Variants in CCDC141 observed in about 807,000 individuals in gnomAD.
CCDC141 encodes the protein coiled-coil domain-containing protein 141.
CCDC141 carries 168 observed loss-of-function variants against 181.0 expected under a neutral mutation model. That is an observed-to-expected ratio of 0.93 (90% CI 0.82 to 1.05). CCDC141 has a LOEUF of 1.05. Ranked by LOEUF, CCDC141 falls within the 50% of genes least tolerant of loss-of-function variation. CCDC141 has a pLI of 0.00. For synonymous variants in CCDC141, 666 were observed against 642.3 expected, an observed-to-expected ratio of 1.04 and a Z score of -0.56; for missense variants, 1,902 against 1,788.5, an observed-to-expected ratio of 1.06 and a Z score of -1.14.
chr2:178,940,877 T>C (rs1689482420), intron 6 of CCDC141, among the ~76,000 whole-genome samples: 1 of 152,196 alleles, frequency 6.6e-6, no homozygotes, highest in African/African-American at 2.4e-5. Flanking sequence ...TCATCTTGCT[T>C]TCAATATAAC....
intron 21 of CCDC141, among the ~76,000 whole-genome samples, chr2:178,848,544 GA>G (rs1468694170): frequency 6.6e-6 from 1 of 152,190 alleles, no homozygotes; most frequent in Non-Finnish European, 1.5e-5. Context: ...GGAGAATGAG[GA>G]AGTGGGAGAG....
At chr2:179,032,790 C>G (rs1433173977) in intron 2 of CCDC141, among the ~76,000 whole-genome samples, 1 of 147,168 alleles carries the variant, frequency 6.8e-6, no homozygotes, top group Admixed American at 7.2e-5. Flanking sequence ...TAATTTCGCT[C>G]AAGGACCTAA....
intron 2 of CCDC141, among the ~76,000 whole-genome samples, chr2:179,036,112 G>A (rs912069754): frequency 6.6e-6 from 1 of 152,200 alleles, no homozygotes; most frequent in African/African-American, 2.4e-5. Context: ...ATCAGCCTCT[G>A]CTAAGAAGTC....
chr2:178,996,898 G>T (rs1243164887), intron 2 of CCDC141, among the ~76,000 whole-genome samples: 5 of 152,214 alleles, frequency 3.3e-5, no homozygotes, highest in Admixed American at 2.6e-4. Context: ...TGGAATTTTA[G>T]ATCGCTCTTA....
In CCDC141 at chr2:178,865,764, C is replaced by A; in HGVS notation, c.2724+3G>T. 1.3e-6 allele frequency: 2 copies of A among 1,506,742 alleles called. No homozygotes were observed. The highest frequency in any genetic ancestry group is 2.2e-5 in the Admixed American group (1 of 45,340). 93.3% of individuals were successfully genotyped at this position (1,506,742 alleles called of 1,614,324 possible). ...TGCCAGTTCTCACCCCTCCCACACC[C>A]ACCTCATTTATCTCGTCTCTCATGG... On this transcript the variant is annotated splice_donor_region_variant and intron_variant, in intron 17 of 23. Coordinates refer to ENST00000443758, the MANE Select transcript of CCDC141 (RefSeq NM_173648.4).
chr2:178,905,251 T>C lies in CCDC141; in HGVS notation c.1265+78A>G, dbSNP rs560802394. 5.6e-5 allele frequency: 71 copies of C among 1,270,530 alleles called. 1 individual carries two copies. In the African/African-American group the frequency reaches 8.1e-4, roughly 15 times the overall value. The allele number at this position is 1,270,530 out of a possible 1,614,324, so 78.7% of individuals were successfully genotyped here. A position where few individuals can be genotyped will look rare whatever the true frequency, so the allele number is the denominator to read the frequency against. On this transcript the variant is annotated intron_variant, in intron 8 of 23. Coordinates refer to ENST00000443758, the MANE Select transcript of CCDC141 (RefSeq NM_173648.4). Reference sequence around the variant, plus strand: ...AAACATCAGAACCAGAAAAAGACAATCATGCATCTTATTTTTAGCACGTTG... The same window carrying C: ...AAACATCAGAACCAGAAAAAGACAACCATGCATCTTATTTTTAGCACGTTG...
intron 8 of CCDC141, among the ~76,000 whole-genome samples, chr2:178,903,155 C>T (rs60930189): frequency 3.7e-5 from 5 of 133,856 alleles, no homozygotes; most frequent in South Asian, 2.8e-4. Context: ...TTACACTGTT[C>T]GTGGGACTGT....
chr2:179,032,389 G>C (rs1440706094), intron 2 of CCDC141, among the ~76,000 whole-genome samples: 1 of 152,136 alleles, frequency 6.6e-6, no homozygotes, highest in Non-Finnish European at 1.5e-5. Context: ...GACTGAGGCA[G>C]AGACAATAGA....
chr2:179,013,649 A>G (rs2042336970), intron 2 of CCDC141, among the ~76,000 whole-genome samples: 1 of 152,168 alleles, frequency 6.6e-6, no homozygotes, highest in Non-Finnish European at 1.5e-5. Flanking sequence ...AGGAGCCCAC[A>G]TAGCCAAAGC....
downstream of CCDC141, among the ~76,000 whole-genome samples, chr2:178,827,552 T>G (rs1156548462): frequency 2.6e-5 from 4 of 152,186 alleles, no homozygotes; most frequent in Admixed American, 6.5e-5. Flanking sequence ...CTAGAACTCT[T>G]TGCACCATAG....
At chr2:178,945,743 A>G (rs1421902788) in intron 5 of CCDC141, among the ~76,000 whole-genome samples, 1 of 152,182 alleles carries the variant, frequency 6.6e-6, no homozygotes, top group African/African-American at 2.4e-5. Context: ...AAGCAGTCTC[A>G]GGATTTCTCT....
chr2:178,820,892 GGT>G, the CCDC141 span, among the ~76,000 whole-genome samples: 27 of 152,046 alleles, frequency 1.8e-4, no homozygotes, highest in Admixed American at 3.3e-4. Flanking sequence ...GTCTTATAAG[GGT>G]ATCTATCTAT....
At chr2:178,871,582 C>T (rs1686123158) in intron 13 of CCDC141, 30 bp from the exon 14 acceptor site, 1 of 1,604,292 alleles carries the variant, frequency 6.2e-7, no homozygotes, top group Non-Finnish European at 8.5e-7. Context: ...GTTACACATG[C>T]ATTTTCTTTG....
chr2:178,864,328 A>G (rs189216060), intron 17 of CCDC141, among the ~76,000 whole-genome samples: 21 of 152,330 alleles, frequency 1.4e-4, no homozygotes, highest in Admixed American at 2.6e-4. Flanking sequence ...CCATGAATCC[A>G]CATTTTGTAG....
rs1255433682 is a variant in CCDC141 at position 178,879,592 on chromosome 2, AT to A, written c.1720-1450del. Among the ~76,000 whole-genome samples the A allele has an allele frequency of 9.2e-5, 14 of 152,300 alleles. No individual in the cohort carries two copies. In the East Asian group the frequency reaches 2.5e-3, roughly 27 times the overall value. ...TAAGATGCCCTAGTAATAATTAACT[AT>A]TTTGGGGGGTACTCAAAAATAGCTC... On this transcript the variant is annotated intron_variant, in intron 11 of 23. Coordinates refer to ENST00000443758, the MANE Select transcript of CCDC141 (RefSeq NM_173648.4).
Position 178,975,290 on chromosome 2 carries a change from G to A in CCDC141, c.418-125C>T, listed in dbSNP as rs1399171030. On this transcript the variant is annotated intron_variant, in intron 3 of 23. Coordinates refer to ENST00000443758, the MANE Select transcript of CCDC141 (RefSeq NM_173648.4). The stretch of plus-strand genomic sequence containing the variant: ...ACTGAGGATGTGTGATTATGCAAGT[G>A]CATATGTTTGTATGTGTTTGTGTGT... 5.5e-6 allele frequency: 3 copies of A among 542,308 alleles called. No homozygotes were observed. The East Asian group carries it at 8.7e-5, about 16-fold the overall frequency. 33.6% of individuals were successfully genotyped at this position (542,308 alleles called of 1,614,324 possible). A position where few individuals can be genotyped will look rare whatever the true frequency, so the allele number is the denominator to read the frequency against.
At chr2:179,000,485 G>A (rs890527100) in intron 2 of CCDC141, among the ~76,000 whole-genome samples, 9 of 152,120 alleles carry the variant, frequency 5.9e-5, no homozygotes, top group African/African-American at 2.2e-4. Flanking sequence ...TACAGAAGAG[G>A]TTTGCTGACT....
intron 8 of CCDC141, among the ~76,000 whole-genome samples, chr2:178,904,653 C>A (rs1354629681): frequency 6.6e-6 from 1 of 152,164 alleles, no homozygotes; most frequent in Non-Finnish European, 1.5e-5. Context: ...ATGCATTCCA[C>A]TATCTGCTCT....
intron 2 of CCDC141, among the ~76,000 whole-genome samples, chr2:178,983,169 C>A (rs1056224448): frequency 6.6e-6 from 1 of 152,182 alleles, no homozygotes. Flanking sequence ...TGACCCCCGA[C>A]CAGCCTAACT....
Sources: gnomAD v4.1 joint callset for allele counts (sites outside exome capture counted in the v4.1 genomes callset) on GRCh38, gnomAD v4.1.1 for gene constraint, MANE v1.5 for transcripts, NCBI Gene and HGNC (gene_info 2026-07-23, HGNC 2026-07-21) for gene names.